The following FRMD4A variants were observed in gnomAD, a reference collection of about 807,000 sequenced individuals.
FRMD4A encodes FERM domain containing 4A.
In FRMD4A, 29 loss-of-function variants were observed where a neutral mutation model predicts 129.1. That is an observed-to-expected ratio of 0.22 (90% CI 0.17 to 0.31). The LOEUF is 0.31. Ranked by LOEUF, FRMD4A falls within the 10% of genes least tolerant of loss-of-function variation. The pLI is 1.00. For missense variants in FRMD4A, 1,272 were observed against 1,375.8 expected (o/e 0.92, Z 1.19); for synonymous variants, 634 against 571.6 (o/e 1.11, Z -1.56).
intron 2 of FRMD4A, among the ~76,000 whole-genome samples, chr10:14,180,135 A>T (rs1362324436): frequency 1.3e-5 from 2 of 152,248 alleles, no homozygotes; most frequent in Non-Finnish European, 2.9e-5. Flanking sequence ...TTTTCATTTT[A>T]TAAGATTGGA....
intron 2 of FRMD4A, among the ~76,000 whole-genome samples, chr10:14,305,842 T>C (rs924367344): frequency 2.0e-5 from 3 of 152,154 alleles, no homozygotes; most frequent in African/African-American, 7.2e-5. Context: ...TGGATGGAGC[T>C]AGAAGTCATT....
intron 3 of FRMD4A, among the ~76,000 whole-genome samples, chr10:13,819,737 GCGGGCTGGAGTACAGTGGCACGATCT>G (rs1291530482): frequency 1.4e-5 from 2 of 147,680 alleles, no homozygotes; most frequent in South Asian, 2.1e-4. Context: ...GGTCTGGAGT[GCGGGCTGGAGTACAGTGGCACGATCT>G]CAGGCTGGAG....
intron 2 of FRMD4A, among the ~76,000 whole-genome samples, chr10:14,253,224 C>T (rs557051071): frequency 1.9e-4 from 29 of 152,302 alleles, no homozygotes; most frequent in Admixed American, 1.6e-3. Context: ...CCGCTGAAGA[C>T]CGAGAAACTG....
rs564795369 is a variant in FRMD4A, at chr10:13,957,139, G to A, written c.46-98227C>T. Among the ~76,000 whole-genome samples the A allele has an allele frequency of 9.2e-5, 14 of 152,350 alleles. No homozygotes were observed. The South Asian group carries it at 2.9e-3, about 32-fold the overall frequency. ...CCTTCTAGTGGATGGCTCCGACTCC[G>A]CAGAGCTATGTGTGGAAAGGCAAAG... On this transcript the variant is annotated intron_variant, in intron 2 of 24. Coordinates refer to ENST00000357447, the MANE Select transcript of FRMD4A (RefSeq NM_018027.5).
chr10:13,852,755 G>A (rs947064630), intron 3 of FRMD4A, among the ~76,000 whole-genome samples: 1 of 152,060 alleles, frequency 6.6e-6, no homozygotes, highest in Non-Finnish European at 1.5e-5. Context: ...GCTGGCGTGT[G>A]ATTTATACTT....
At chr10:13,707,578 C>A in intron 12 of FRMD4A, 1 of 989,466 alleles carries the variant, frequency 1.0e-6, no homozygotes, top group Non-Finnish European at 1.2e-6. Flanking sequence ...GAGCTTCCTC[C>A]CCTCCAGTGC....
At chr10:13,772,200 T>TAAATATTTATTATTATTATATAATAAA (rs2092477673) in intron 6 of FRMD4A, among the ~76,000 whole-genome samples, 1 of 130,338 alleles carries the variant, frequency 7.7e-6, no homozygotes, top group African/African-American at 2.6e-5. Context: ...TATATAATAA[T>TAAATATTTATTATTATTATATAATAAA]AAATATTTAT....
intron 2 of FRMD4A, among the ~76,000 whole-genome samples, chr10:13,982,466 AAGGGGAGGGG>A (rs1209830457): frequency 4.4e-4 from 14 of 31,512 alleles, no homozygotes; most frequent in African/African-American, 1.1e-3. Context: ...CTGAGAAGGG[AAGGGGAGGGG>A]AGGGGAGGGG....
At chr10:14,050,502 C>T (rs1392295966) in intron 2 of FRMD4A, among the ~76,000 whole-genome samples, 1 of 152,074 alleles carries the variant, frequency 6.6e-6, no homozygotes, top group East Asian at 1.9e-4. Flanking sequence ...GTACAGGGCT[C>T]CTGTCTTCTG....
intron 2 of FRMD4A, among the ~76,000 whole-genome samples, chr10:13,913,407 G>T (rs936918503): frequency 6.6e-6 from 1 of 152,166 alleles, no homozygotes; most frequent in Admixed American, 6.5e-5. Context: ...ACTGAATTGC[G>T]TACTTTAATA....
rs79315970 is a variant in FRMD4A at position 13,947,955 on chromosome 10, G to C, written c.46-89043C>G. Reference sequence around the variant, plus strand: ...GGCTCATGCCTGTAATTCCGGCACTGAGAGGCCAAGGTGGGAAGATCGCTT... The same window carrying C: ...GGCTCATGCCTGTAATTCCGGCACTCAGAGGCCAAGGTGGGAAGATCGCTT... On this transcript the variant is annotated intron_variant, in intron 2 of 24. Transcript: ENST00000357447. Among the ~76,000 whole-genome samples, 958 of 151,972 alleles carry C rather than the reference G, an allele frequency of 6.3e-3. 33 individuals carry two copies. The East Asian group carries it at 0.098, about 16-fold the overall frequency.
intron 2 of FRMD4A, among the ~76,000 whole-genome samples, chr10:14,199,636 T>C (rs1842575096): frequency 6.6e-6 from 1 of 152,194 alleles, no homozygotes; most frequent in African/African-American, 2.4e-5. Context: ...GTGATCCACC[T>C]GCCTTGGCCT....
At chr10:14,283,106 T>A (rs958547184) in intron 2 of FRMD4A, among the ~76,000 whole-genome samples, 1 of 152,228 alleles carries the variant, frequency 6.6e-6, no homozygotes, top group African/African-American at 2.4e-5. Flanking sequence ...GCCTGAAGCT[T>A]AAACTCACAA....
At chr10:13,817,263 A>C (rs967846398) in intron 3 of FRMD4A, among the ~76,000 whole-genome samples, 12 of 152,218 alleles carry the variant, frequency 7.9e-5, no homozygotes, top group Admixed American at 5.2e-4. Flanking sequence ...GCTCTCAGTC[A>C]GTGCTTTGTG....
chr10:13,671,093 C>A (rs905725860), intron 16 of FRMD4A, among the ~76,000 whole-genome samples: 1 of 152,152 alleles, frequency 6.6e-6, no homozygotes, highest in African/African-American at 2.4e-5. Context: ...AGGATAGTAA[C>A]CTACTCTGGC....
chr10:13,681,260 T>G (rs886465878), intron 15 of FRMD4A, among the ~76,000 whole-genome samples: 2 of 152,210 alleles, frequency 1.3e-5, no homozygotes, highest in African/African-American at 2.4e-5. Context: ...TGGAAGGGTG[T>G]GTCTCATCAT....
At chr10:13,754,309 C>A (rs1281943786) in intron 8 of FRMD4A, among the ~76,000 whole-genome samples, 1 of 151,856 alleles carries the variant, frequency 6.6e-6, no homozygotes, top group African/African-American at 2.4e-5. Context: ...ACTACCCTAT[C>A]CCTATCCAAA....
At chr10:14,226,400 C>T (rs1843437756) in intron 2 of FRMD4A, among the ~76,000 whole-genome samples, 1 of 152,194 alleles carries the variant, frequency 6.6e-6, no homozygotes, top group African/African-American at 2.4e-5. Context: ...TCATCGTATA[C>T]ATCAGTGTGT....
chr10:14,085,688 C>T (rs769794364), intron 2 of FRMD4A, among the ~76,000 whole-genome samples: 10 of 152,202 alleles, frequency 6.6e-5, no homozygotes, highest in South Asian at 2.1e-4. Context: ...ACTATCTTCC[C>T]ATCTTCATTT....
Sources: gnomAD v4.1 joint callset for allele counts (sites outside exome capture counted in the v4.1 genomes callset) on GRCh38, gnomAD v4.1.1 for gene constraint, MANE v1.5 for transcripts, NCBI Gene and HGNC (gene_info 2026-07-23, HGNC 2026-07-21) for gene names.